The following SPTB variants were observed in gnomAD, a reference collection of about 807,000 sequenced individuals.
SPTB encodes spectrin beta, erythrocytic.
SPTB carries 45 observed loss-of-function variants against 256.2 expected under a neutral mutation model. The ratio of observed to expected loss-of-function variants is 0.18; its 90% CI spans 0.14 to 0.23. The LOEUF (loss-of-function observed/expected upper bound fraction) is 0.23. Ranked by LOEUF, SPTB falls within the 10% of genes least tolerant of loss-of-function variation. The pLI is 1.00. For synonymous variants in SPTB, 1,231 were observed against 1,243.1 expected, an observed-to-expected ratio of 0.99 and a Z score of 0.21; for missense variants, 2,715 against 3,040.4, an observed-to-expected ratio of 0.89 and a Z score of 2.52.
Position 64,793,740 on chromosome 14 carries a change from C to T in SPTB, c.1923G>A (p.Lys641=). 1 of 1,614,220 alleles carries T rather than the reference C, an allele frequency of 6.2e-7. No homozygotes were observed. The highest frequency in any genetic ancestry group is 8.5e-7 in the Non-Finnish European group (1 of 1,180,050). The change falls in exon 14 of 36, where the codon AAG becomes AAA. Residue 641 remains lysine (K), a synonymous_variant. Coordinates refer to ENST00000644917, the MANE Select transcript of SPTB (RefSeq NM_001355436.2). The surrounding 1 kb of genome is among the most constrained non-coding windows in gnomAD (Gnocchi z 7.0). ...CAGCCTCATCCATCTCCCAGAAGAA[C>T]TTCCAGAGTCGTTTGGACTGCTCCA... ...AQLEQSKRLW[K]FFWEMDEAES...
chr14:64,851,510 G>C (rs10873177), intron 1 of SPTB, among the ~76,000 whole-genome samples: 120,476 of 152,018 alleles, frequency 0.79, 49,599 homozygotes, highest in Non-Finnish European at 0.91. Flanking sequence ...AGTAGTAGTA[G>C]TAGCAGCAGT....
intron 1 of SPTB, among the ~76,000 whole-genome samples, chr14:64,842,176 C>T (rs2083617742): frequency 6.6e-6 from 1 of 152,202 alleles, no homozygotes; most frequent in Non-Finnish European, 1.5e-5. Context: ...ACACATAAGC[C>T]AGCATAGGTC....
chr14:64,765,818 GT>G (rs2082162993), intron 32 of SPTB, among the ~76,000 whole-genome samples: 2 of 142,826 alleles, frequency 1.4e-5, no homozygotes, highest in African/African-American at 5.5e-5. Context: ...GTGTGTGTGT[GT>G]GAGTGTGTGT....
Position 64,790,737 on chromosome 14 carries a change from G to A in SPTB, c.2804+982C>T, listed in dbSNP as rs764654591. Among the ~76,000 whole-genome samples, 15 of 152,218 alleles carry A rather than the reference G, an allele frequency of 9.9e-5. No homozygotes were observed. Among genetic ancestry groups the A allele is most frequent in the Non-Finnish European group, 1.9e-4 (13 of 68,028 alleles). ...GGTGTGGGGAAGGGGCTGGGGTAATGGGGAGGTGGTGAACATGTGGCATTG... is the reference window on the plus strand; with the variant it reads ...GGTGTGGGGAAGGGGCTGGGGTAATAGGGAGGTGGTGAACATGTGGCATTG... On this transcript the variant is annotated intron_variant, in intron 15 of 35. Transcript: ENST00000644917. This position sits in a 1 kb window ranked among gnomAD's most constrained non-coding sequence, Gnocchi z 4.8.
Position 64,767,689 on chromosome 14 carries a change from A to G in SPTB, c.6193T>C (p.Phe2065Leu). The G allele has an allele frequency of 6.2e-7, 1 of 1,614,104 alleles. No individual in the cohort carries two copies. Among genetic ancestry groups the G allele is most frequent in the Non-Finnish European group, 8.5e-7 (1 of 1,180,000 alleles). The change falls in exon 30 of 36, where the codon TTT becomes CTT. Residue 2065 changes from phenylalanine to leucine, a missense_variant. Coordinates refer to ENST00000644917, the MANE Select transcript of SPTB (RefSeq NM_001355436.2). ...EKSTASWAER[F>L]AALEKPTTLE... Reference sequence around the variant, plus strand: ...GTGGTGGGCTTCTCCAGGGCAGCAAAGCGCTCTGCCCAGCTGGCCGTGGAC... The same window carrying G: ...GTGGTGGGCTTCTCCAGGGCAGCAAGGCGCTCTGCCCAGCTGGCCGTGGAC...
At chr14:64,765,893 ATGTGTG>A (rs904377620) in intron 32 of SPTB, among the ~76,000 whole-genome samples, 2 of 121,546 alleles carry the variant, frequency 1.6e-5, no homozygotes, top group Non-Finnish European at 3.5e-5. Context: ...CGGTGTGTGC[ATGTGTG>A]TGTGTGTGGG....
Position 64,793,704 on chromosome 14 carries a change from G to C in SPTB, c.1959C>G (p.Ile653Met). Residue 653 changes from isoleucine (I) to methionine (M), a missense_variant, in exon 14 of 36, where the codon ATC becomes ATG. By Grantham distance (10) the Ile-to-Met change is conservative. This residue lies in a region of SPTB where 2,239 missense variants were observed against 2,384.4 expected (regional missense o/e 0.94). Coordinates refer to ENST00000644917, the MANE Select transcript of SPTB (RefSeq NM_001355436.2). This position sits in a 1 kb window ranked among gnomAD's most constrained non-coding sequence, Gnocchi z 7.0. ...AAGAATAGATCTGCTCCTTCTCCTT[G>C]ATCCAGCTCTCAGCCTCATCCATCT... Reference protein sequence around the residue: ...FWEMDEAESWIKEKEQIYSSL... With the variant: ...FWEMDEAESWMKEKEQIYSSL... The C allele has an allele frequency of 1.9e-6, 3 of 1,614,172 alleles. No individual in the cohort carries two copies. The highest frequency in any genetic ancestry group is 2.5e-6 in the Non-Finnish European group (3 of 1,180,050).
In SPTB at chr14:64,779,601, A is replaced by C; in HGVS notation, c.4473+124T>G. 2.8e-5 allele frequency: 27 copies of C among 957,976 alleles called. No homozygotes were observed. Among genetic ancestry groups the C allele is most frequent in the Non-Finnish European group, 3.7e-5 (22 of 589,984 alleles). The allele number at this position is 957,976 out of a possible 1,614,324, so 59.3% of individuals were successfully genotyped here. ...TTAATGTAATCCTCACAAGAACCCT[A>C]TGAGATAAGGGGTGAGGTGACCAGT... is the stretch of plus-strand genomic sequence containing the variant. On this transcript the variant is annotated intron_variant, in intron 21 of 35. Transcript: ENST00000644917. The surrounding 1 kb of genome is among the most constrained non-coding windows in gnomAD (Gnocchi z 4.2).
intron 1 of SPTB, among the ~76,000 whole-genome samples, chr14:64,834,017 A>ATTGTTTT (rs373008160): frequency 2.6e-5 from 4 of 151,840 alleles, no homozygotes; most frequent in African/African-American, 4.8e-5. Context: ...TCAACCACAC[A>ATTGTTTT]TTGTTTTTTG....
At chr14:64,813,859 G>A (rs2139670831) in intron 2 of SPTB, among the ~76,000 whole-genome samples, 1 of 152,328 alleles carries the variant, frequency 6.6e-6, no homozygotes. Flanking sequence ...ATGAACTTGT[G>A]ATGAACCTCA....
At chr14:64,773,964 C>A (rs1168149417) in intron 24 of SPTB, among the ~76,000 whole-genome samples, 6 of 152,186 alleles carry the variant, frequency 3.9e-5, no homozygotes, top group Admixed American at 3.9e-4. Context: ...TATGCAGGAT[C>A]CACAAAACCT....
Position 64,746,345 on chromosome 14 carries a change from G to A in SPTB, c.*2961C>T, listed in dbSNP as rs183472086. 3 of 152,672 alleles carry A rather than the reference G, an allele frequency of 2.0e-5. No homozygotes were observed. Among genetic ancestry groups the A allele is most frequent in the Non-Finnish European group, 2.9e-5 (2 of 68,050 alleles). 9.5% of individuals were successfully genotyped at this position (152,672 alleles called of 1,614,324 possible). A position where few individuals can be genotyped will look rare whatever the true frequency, so the allele number is the denominator to read the frequency against. On this transcript the variant is annotated 3_prime_UTR_variant, in exon 36 of 36. Transcript: ENST00000644917. The surrounding 1 kb of genome is among the most constrained non-coding windows in gnomAD (Gnocchi z 4.9). ...GGTTTCCTCTGGTTGGTGGAAGCAC[G>A]GTTGAGCAGGTGGAGGACAGGACCC...
chr14:64,766,818 C>G lies in SPTB; in HGVS notation c.6270-17G>C, dbSNP rs1422043733. 3.7e-6 allele frequency: 6 copies of G among 1,609,076 alleles called. No homozygotes were observed. Among genetic ancestry groups the G allele is most frequent in the Middle Eastern group, 1.6e-4 (1 of 6,068 alleles). The stretch of plus-strand genomic sequence containing the variant: ...TCTTGAGGCCTAAGGAAGACACAGT[C>G]TCTCTTTAGAAACAAGCACCCCTCT... On this transcript the variant is annotated splice_polypyrimidine_tract_variant and intron_variant, in intron 31 of 35. Transcript: ENST00000644917.
rs374585997 is a variant in SPTB at position 64,786,718 on chromosome 14, C to T, written c.3247G>A (p.Ala1083Thr). Reference sequence around the variant, plus strand: ...TCGGGCATGTCCTCAGAGGCCACAGCCTTCTGGGTGATGGAGAGCCAGGCC... The same window carrying T: ...TCGGGCATGTCCTCAGAGGCCACAGTCTTCTGGGTGATGGAGAGCCAGGCC... ...FQAWLSITQK[A>T]VASEDMPESL... Residue 1083 changes from alanine to threonine, a missense_variant, in exon 16 of 36, where the codon GCT becomes ACT. Physicochemically the swap from Ala to Thr is moderately conservative, Grantham distance 58. This residue lies in a region of SPTB where 2,239 missense variants were observed against 2,384.4 expected (regional missense o/e 0.94). Transcript: ENST00000644917. The surrounding 1 kb of genome is among the most constrained non-coding windows in gnomAD (Gnocchi z 5.6). 52 of 1,614,144 alleles carry T rather than the reference C, an allele frequency of 3.2e-5. No individual in the cohort carries two copies. Among genetic ancestry groups the T allele is most frequent in the Admixed American group, 8.3e-5 (5 of 60,030 alleles).
At chr14:64,798,683 G>A (rs918356577) in intron 9 of SPTB, among the ~76,000 whole-genome samples, 2 of 152,212 alleles carry the variant, frequency 1.3e-5, no homozygotes, top group Admixed American at 6.5e-5. Flanking sequence ...TGCAGTGACT[G>A]GTAGACTCAT....
At chr14:64,808,928 G>A (rs1178135983) in intron 2 of SPTB, among the ~76,000 whole-genome samples, 3 of 151,902 alleles carry the variant, frequency 2.0e-5, no homozygotes, top group East Asian at 1.9e-4. Context: ...GGGGAGGGGA[G>A]CCAGGGAGAC....
At chr14:64,781,427 G>A (rs762282003) in intron 20 of SPTB, among the ~76,000 whole-genome samples, 2 of 152,004 alleles carry the variant, frequency 1.3e-5, no homozygotes, top group African/African-American at 4.8e-5. Context: ...CAGACACTTC[G>A]CAAAAGACAC....
chr14:64,839,698 G>A (rs1024590167), intron 1 of SPTB, among the ~76,000 whole-genome samples: 1 of 152,168 alleles, frequency 6.6e-6, no homozygotes, highest in Admixed American at 6.5e-5. Context: ...TGAGAAAAAT[G>A]TAGAATTATT....
Position 64,800,736 on chromosome 14 carries a change from G to C in SPTB, c.876+20C>G, listed in dbSNP as rs759223662. On this transcript the variant is annotated intron_variant, in intron 8 of 35. Transcript: ENST00000644917. Reference sequence around the variant, plus strand: ...ACAAACAGGGGAAGAGTGACACTTTGGTTCCAAAACAGCTTGTACCTTGCC... The same window carrying C: ...ACAAACAGGGGAAGAGTGACACTTTCGTTCCAAAACAGCTTGTACCTTGCC... The C allele has an allele frequency of 2.5e-6, 4 of 1,602,336 alleles. No homozygotes were observed. Among genetic ancestry groups the C allele is most frequent in the African/African-American group, 1.3e-5 (1 of 74,680 alleles).
Sources: gnomAD v4.1 joint callset for allele counts (sites outside exome capture counted in the v4.1 genomes callset) on GRCh38, gnomAD v4.1.1 for gene constraint, gnomAD v4.1.1 regional missense constraint, Gnocchi (gnomAD v3.1) non-coding constraint, MANE v1.5 for transcripts, NCBI Gene and HGNC (gene_info 2026-07-23, HGNC 2026-07-21) for gene names.